The following PSIP1 variants were observed in gnomAD, a reference collection of about 807,000 sequenced individuals.
PSIP1 encodes the protein PC4 and SRSF1 interacting protein 1.
A neutral mutation model predicts 74.7 loss-of-function variants in PSIP1; 19 were observed. The observed-to-expected ratio is 0.25, with a 90% CI of 0.18 to 0.37. PSIP1 has a LOEUF of 0.37. Among genes scored for constraint, PSIP1 ranks in the 10% least tolerant of loss-of-function variants. The pLI, the probability that PSIP1 is intolerant of heterozygous loss-of-function variation, is 1.00. For synonymous variants in PSIP1, 222 were observed against 195.3 expected (o/e 1.14, Z -1.14); for missense variants, 601 against 614.3 (o/e 0.98, Z 0.23).
At position 15,486,886 on chromosome 9, in the gene PSIP1, C is replaced by T; in HGVS notation, c.334G>A (p.Glu112Lys). Residue 112 changes from glutamate to lysine, a missense_variant, in exon 5 of 16, where the codon GAA becomes AAA. By Grantham distance (56) the Glu-to-Lys change is moderately conservative. Transcript: ENST00000380733. ...TCCTTTGAAACACTAGTTTCCTTTT[C>T]TTCAACTTCAACATCAGATGATGCA... ...SNASSDVEVE[E>K]KETSVSKEDT... The T allele has an allele frequency of 1.2e-6, 2 of 1,612,534 alleles. No homozygotes were observed. Among genetic ancestry groups the T allele is most frequent in the Non-Finnish European group, 1.7e-6 (2 of 1,179,320 alleles).
chr9:15,501,866 T>TATATAAAA (rs1491160431), intron 3 of PSIP1, among the ~76,000 whole-genome samples: 95 of 135,676 alleles, frequency 7.0e-4, no homozygotes, highest in African/African-American at 2.4e-3. Context: ...TATATATATA[T>TATATAAAA]AAAACGCACA....
At chr9:15,497,325 C>CCTTTTTTTTTTTTTTTTTTTTTT (rs2037124096) in intron 3 of PSIP1, among the ~76,000 whole-genome samples, 1 of 118,594 alleles carries the variant, frequency 8.4e-6, no homozygotes, top group African/African-American at 4.0e-5. Context: ...TCTATGATTC[C>CCTTTTTTTTTTTTTTTTTTTTTT]TTTTTTTTTT....
At chr9:15,468,552 T>C (rs73421382) in intron 14 of PSIP1, 78 bp downstream of exon 14, 1 of 1,460,316 alleles carries the variant, frequency 6.8e-7, no homozygotes, top group Non-Finnish European at 9.6e-7. Context: ...TGAAACTATG[T>C]ATGAAAGCCA....
intron 6 of PSIP1, among the ~76,000 whole-genome samples, chr9:15,484,019 T>C (rs947998268): frequency 2.0e-5 from 3 of 150,650 alleles, no homozygotes; most frequent in African/African-American, 4.9e-5. Flanking sequence ...TCCCAGCTAC[T>C]CAGGAGGCTG....
Position 15,510,246 on chromosome 9 carries a change from C to G in PSIP1, c.-58G>C. The G allele has an allele frequency of 6.5e-7, 1 of 1,533,468 alleles. No homozygotes were observed. The highest frequency in any genetic ancestry group is 1.8e-5 in the Admixed American group (1 of 56,400). The allele number at this position is 1,533,468 out of a possible 1,614,324, so 95.0% of individuals were successfully genotyped here. ...GGGAGGCGGCGAGGAGATGCGGCGG[C>G]GCGGGGATGCGGGCGGCGGACGCGG... is the stretch of plus-strand genomic sequence containing the variant. On this transcript the variant is annotated 5_prime_UTR_variant, in exon 2 of 16. Coordinates refer to ENST00000380733, the MANE Select transcript of PSIP1 (RefSeq NM_033222.5).
chr9:15,510,057 G>C, intron 2 of PSIP1, 60 bp downstream of exon 2: 1 of 1,462,852 alleles, frequency 6.8e-7, no homozygotes, highest in Non-Finnish European at 9.4e-7. Context: ...GACACGGTGG[G>C]CAGCAGGCCT....
At chr9:15,485,768 T>C (rs2036533452) in intron 6 of PSIP1, 2 of 373,346 alleles carry the variant, frequency 5.4e-6, no homozygotes, top group Non-Finnish European at 9.6e-6. Context: ...GGCACAGTCA[T>C]TAAAATGAAT....
chr9:15,483,347 C>T (rs1005554633), intron 6 of PSIP1, among the ~76,000 whole-genome samples: 20 of 149,042 alleles, frequency 1.3e-4, no homozygotes, highest in African/African-American at 4.9e-4. Context: ...GATTCTAGTT[C>T]CCTCCCCCGC....
chr9:15,475,743 C>T (rs1007675012), intron 8 of PSIP1, among the ~76,000 whole-genome samples: 6 of 152,136 alleles, frequency 3.9e-5, no homozygotes, highest in African/African-American at 1.4e-4. Context: ...AAACAATTTA[C>T]ATAAACATGA....
chr9:15,479,735 C>CA (rs1554658540), intron 6 of PSIP1, 48 bp from the exon 7 acceptor site: 3 of 1,498,180 alleles, frequency 2.0e-6, no homozygotes, highest in Non-Finnish European at 2.8e-6. Context: ...AGTAGGCACT[C>CA]AAAGTTTAAT....
intron 3 of PSIP1, chr9:15,505,731 A>T (rs1397561195): frequency 2.0e-5 from 3 of 152,224 alleles, no homozygotes; most frequent in Admixed American, 6.5e-5. Context: ...TGTAAATTCC[A>T]TCTCAATAGA....
intron 7 of PSIP1, 47 bp downstream of exon 7, chr9:15,479,544 A>G: frequency 6.9e-7 from 1 of 1,446,902 alleles, no homozygotes; most frequent in Non-Finnish European, 9.5e-7. Context: ...AATGGACTGG[A>G]ATATTAATCA....
At chr9:15,466,318 G>C (rs1319072988) in intron 15 of PSIP1, among the ~76,000 whole-genome samples, 1 of 152,236 alleles carries the variant, frequency 6.6e-6, no homozygotes, top group East Asian at 1.9e-4. Context: ...AGTGGAGGTT[G>C]CAGTGAGCAC....
chr9:15,469,442 T>G, intron 11 of PSIP1, 106 bp from the exon 12 acceptor site: 1 of 645,890 alleles, frequency 1.5e-6, no homozygotes, highest in Non-Finnish European at 2.6e-6. Flanking sequence ...AAAAATGTTC[T>G]TAGTAATCTT....
At chr9:15,496,791 T>C in intron 3 of PSIP1, among the ~76,000 whole-genome samples, 1 of 152,194 alleles carries the variant, frequency 6.6e-6, no homozygotes, top group Non-Finnish European at 1.5e-5. Flanking sequence ...GTACAGAAGA[T>C]TTTTAAATTC....
At position 15,474,027 on chromosome 9, in the gene PSIP1, A is replaced by G. The variant is rs1324899956; in HGVS notation, c.840T>C (p.Asp280=). 14 of 1,612,674 alleles carry G rather than the reference A, an allele frequency of 8.7e-6. No homozygotes were observed. The highest frequency in any genetic ancestry group is 1.2e-5 in the Non-Finnish European group (14 of 1,179,510). ...TSTSDSEEEG[D]DQEGEKKRKG... is the part of the protein sequence containing the mutation. ...TTTATACCTTTTCACCTTCTTGATC[A>G]TCTCCTTCTTCTTCAGAATCGGAGG... Residue 280 remains aspartate (D), a synonymous_variant, in exon 9 of 16, where the codon GAT becomes GAC. Coordinates refer to ENST00000380733, the MANE Select transcript of PSIP1 (RefSeq NM_033222.5).
intron 4 of PSIP1, among the ~76,000 whole-genome samples, chr9:15,488,794 G>A (rs2036676025): frequency 6.6e-6 from 1 of 152,090 alleles, no homozygotes; most frequent in South Asian, 2.1e-4. Flanking sequence ...GGCCGAGGCG[G>A]GCGGATCACA....
chr9:15,486,468 T>C (rs1453484288), intron 5 of PSIP1, among the ~76,000 whole-genome samples: 1 of 152,198 alleles, frequency 6.6e-6, no homozygotes, highest in Non-Finnish European at 1.5e-5. Flanking sequence ...ACACAGATCA[T>C]ATACAGTTGG....
At position 15,483,314 on chromosome 9, in the gene PSIP1, G is replaced by C. The variant is rs764781007; in HGVS notation, c.456+2692C>G. On this transcript the variant is annotated intron_variant, in intron 6 of 15. Coordinates refer to ENST00000380733, the MANE Select transcript of PSIP1 (RefSeq NM_033222.5). ...CACTCCCAATAACTAGCTTATTCAA[G>C]TAAAGACCTTAGAGCCACCTTAGAT... 1.8e-3 allele frequency among the ~76,000 whole-genome samples: 267 copies of C among 152,092 alleles called. 2 individuals carry two copies. The highest frequency in any genetic ancestry group is 3.2e-3 in the Non-Finnish European group (219 of 67,992).
Sources: gnomAD v4.1 joint callset for allele counts (sites outside exome capture counted in the v4.1 genomes callset) on GRCh38, gnomAD v4.1.1 for gene constraint, MANE v1.5 for transcripts, NCBI Gene and HGNC (gene_info 2026-07-23, HGNC 2026-07-21) for gene names.